Variants in ST18 observed in about 807,000 individuals in gnomAD.
ST18 encodes the protein suppression of tumorigenicity 18 protein.
Under a neutral mutation model 110.0 loss-of-function variants are expected in ST18, and 50 were observed. That is an observed-to-expected ratio of 0.45 (90% CI 0.36 to 0.58). The LOEUF is 0.58. Among genes scored for constraint, ST18 ranks in the 20% least tolerant of loss-of-function variants. ST18 has a pLI of 0.00. For synonymous variants in ST18, 461 were observed against 452.4 expected (o/e 1.02, Z -0.24); for missense variants, 1,306 against 1,280.1 (o/e 1.02, Z -0.31).
intron 2 of ST18, among the ~76,000 whole-genome samples, chr8:52,293,397 T>C (rs1405184340): frequency 6.6e-6 from 1 of 152,226 alleles, no homozygotes; most frequent in African/African-American, 2.4e-5. Context: ...TGTGCCACTG[T>C]GACAGGTAAC....
intron 8 of ST18, among the ~76,000 whole-genome samples, chr8:52,204,123 G>A (rs576451276): frequency 2.0e-4 from 31 of 152,206 alleles, no homozygotes; most frequent in African/African-American, 5.1e-4. Flanking sequence ...ACAGACCAAG[G>A]GTTGTGCATT....
At position 52,401,254 on chromosome 8, in the gene ST18, T is replaced by C. The variant is rs116898440; in HGVS notation, c.-465+8074A>G. Among the ~76,000 whole-genome samples, 139 of 152,314 alleles carry C rather than the reference T, an allele frequency of 9.1e-4. No individual in the cohort carries two copies. The East Asian group carries it at 0.025, about 27-fold the overall frequency. On this transcript the variant is annotated intron_variant, in intron 2 of 25. Transcript: ENST00000689386. Reference sequence around the variant, plus strand: ...TTTTCTCTTGCTGCTTTTTAAATTCTCTCTGTGTCTTTGATTTCTGACATT... The same window carrying C: ...TTTTCTCTTGCTGCTTTTTAAATTCCCTCTGTGTCTTTGATTTCTGACATT...
intron 2 of ST18, among the ~76,000 whole-genome samples, chr8:52,256,858 T>A (rs1014113676): frequency 1.3e-5 from 2 of 152,222 alleles, no homozygotes; most frequent in East Asian, 3.8e-4. Flanking sequence ...AATATATTCA[T>A]AGTTGTGCAA....
At chr8:52,166,631 G>T (rs1027175466) in intron 11 of ST18, among the ~76,000 whole-genome samples, 1 of 152,194 alleles carries the variant, frequency 6.6e-6, no homozygotes, top group African/African-American at 2.4e-5. Context: ...GGAACTAGCT[G>T]TCTTTCCTAT....
rs2061453002 is a variant in ST18, at chr8:52,161,515, G to A, written c.1454C>T (p.Ser485Phe). ...TTCTTTTGACACTGTGGCTCTGGGA[G>A]AGGTGATGGCTTGTGACGGGAAATT... The part of the protein sequence containing the change: ...EFNFPSQAIT[S>F]PRATVSKEQE... The change falls in exon 14 of 26, where the codon TCT (serine) becomes TTT (phenylalanine). Residue 485 changes from serine (S) to phenylalanine (F), a missense_variant. Physicochemically the swap from Ser to Phe is radical, Grantham distance 155. Transcript: ENST00000689386. 1 of 1,614,234 alleles carries A rather than the reference G, an allele frequency of 6.2e-7. No homozygotes were observed. The highest frequency in any genetic ancestry group is 8.5e-7 in the Non-Finnish European group (1 of 1,180,032).
At chr8:52,170,359 G>A (rs1446153465) in intron 10 of ST18, among the ~76,000 whole-genome samples, 11 of 152,046 alleles carry the variant, frequency 7.2e-5, no homozygotes, top group African/African-American at 2.4e-4. Flanking sequence ...GGGAGGCTGA[G>A]GCAGGAGAAT....
intron 2 of ST18, among the ~76,000 whole-genome samples, chr8:52,234,641 C>T (rs2092308883): frequency 6.6e-6 from 1 of 152,078 alleles, no homozygotes; most frequent in South Asian, 2.1e-4. Flanking sequence ...CTTGCACACA[C>T]ATGTTTACAG....
intron 2 of ST18, among the ~76,000 whole-genome samples, chr8:52,326,663 T>C (rs1379827740): frequency 6.6e-6 from 1 of 152,134 alleles, no homozygotes; most frequent in Non-Finnish European, 1.5e-5. Context: ...GGAAAATTTA[T>C]AGGAGGGATA....
chr8:52,261,860 T>G (rs1193259781), intron 2 of ST18, among the ~76,000 whole-genome samples: 2 of 152,198 alleles, frequency 1.3e-5, no homozygotes, highest in African/African-American at 4.8e-5. Context: ...GCCTTCAGTA[T>G]TATTTTTCTA....
intron 3 of ST18, chr8:52,229,797 C>T (rs1391036087): frequency 6.6e-6 from 1 of 152,080 alleles, no homozygotes. Flanking sequence ...ATTAATGCCC[C>T]TAATATCAAA....
intron 2 of ST18, among the ~76,000 whole-genome samples, chr8:52,276,758 C>T (rs1021892981): frequency 4.6e-5 from 7 of 150,936 alleles, no homozygotes; most frequent in Admixed American, 1.3e-4. Flanking sequence ...ATTATAAAAC[C>T]TATAAAATCT....
chr8:52,367,965 C>T (rs1447695911), intron 2 of ST18, among the ~76,000 whole-genome samples: 2 of 152,136 alleles, frequency 1.3e-5, no homozygotes, highest in Admixed American at 1.3e-4. Context: ...GGTATCTGAG[C>T]TAGTATTTCT....
rs527365364 is a variant in ST18 at position 52,352,256 on chromosome 8, T to C, written c.-465+57072A>G. Among the ~76,000 whole-genome samples the C allele has an allele frequency of 3.9e-5, 6 of 152,304 alleles. No homozygotes were observed. The South Asian group carries it at 8.3e-4, about 21-fold the overall frequency. ...CAATGGAGATAAAGTCAGCCTAGATTGCACTTGGCGCGGACAAGACCACAA... is the reference window on the plus strand; with the variant it reads ...CAATGGAGATAAAGTCAGCCTAGATCGCACTTGGCGCGGACAAGACCACAA... On this transcript the variant is annotated intron_variant, in intron 2 of 25. Coordinates refer to ENST00000689386, the MANE Select transcript of ST18 (RefSeq NM_001352837.2).
intron 25 of ST18, among the ~76,000 whole-genome samples, chr8:52,113,786 T>G (rs1482535415): frequency 1.3e-5 from 2 of 152,010 alleles, no homozygotes; most frequent in East Asian, 3.9e-4. Context: ...AATTTAAGAT[T>G]TGAGCGAGTT....
At chr8:52,353,981 G>A (rs1473240629) in intron 2 of ST18, among the ~76,000 whole-genome samples, 1 of 152,126 alleles carries the variant, frequency 6.6e-6, no homozygotes, top group Non-Finnish European at 1.5e-5. Context: ...TTTGCTCTTG[G>A]GCTAGCCCAC....
intron 2 of ST18, among the ~76,000 whole-genome samples, chr8:52,250,294 C>A (rs2094186267): frequency 6.6e-6 from 1 of 151,638 alleles, no homozygotes; most frequent in African/African-American, 2.4e-5. Context: ...AGACTGGCAG[C>A]AATCTGGGCC....
intron 13 of ST18, among the ~76,000 whole-genome samples, chr8:52,163,461 C>T (rs1468104880): frequency 6.6e-6 from 1 of 152,066 alleles, no homozygotes; most frequent in East Asian, 1.9e-4. Flanking sequence ...CTAGATATCA[C>T]CAAGAGGCTG....
rs1845620677 is a variant in ST18, at chr8:52,409,314, A to G, written c.-465+14T>C. ...TAAAATAACTTAAATGCATTTTACA[A>G]TATTTTTTCTTACCTTTACCTGGCG... On this transcript the variant is annotated intron_variant, in intron 2 of 25. Transcript: ENST00000689386. The G allele has an allele frequency of 6.6e-6, 1 of 152,228 alleles. No homozygotes were observed. The highest frequency in any genetic ancestry group is 2.4e-5 in the African/African-American group (1 of 41,464). The allele number at this position is 152,228 out of a possible 1,614,324, so 9.4% of individuals were successfully genotyped here.
chr8:52,233,977 T>A (rs1251075280), intron 2 of ST18, among the ~76,000 whole-genome samples: 1 of 152,168 alleles, frequency 6.6e-6, no homozygotes, highest in Non-Finnish European at 1.5e-5. Context: ...AACATTGCAC[T>A]TTGACTAACA....
Sources: gnomAD v4.1 joint callset for allele counts (sites outside exome capture counted in the v4.1 genomes callset) on GRCh38, gnomAD v4.1.1 for gene constraint, MANE v1.5 for transcripts, NCBI Gene and HGNC (gene_info 2026-07-23, HGNC 2026-07-21) for gene names.